ZNF18: variants seen among roughly 807,000 people sequenced by gnomAD.
ZNF18 encodes the protein heart development-specific gene 1 protein.
Under a neutral mutation model 58.1 loss-of-function variants are expected in ZNF18, and 42 were observed. That is an observed-to-expected ratio of 0.72 (90% CI 0.56 to 0.93). The LOEUF (loss-of-function observed/expected upper bound fraction) is 0.93, where lower values mean the gene tolerates loss of function less well. Among genes scored for constraint, ZNF18 ranks in the 40% least tolerant of loss-of-function variants. The probability of loss-of-function intolerance (pLI) is 0.00; values close to 1 mark genes in which losing one functional copy is unlikely to be tolerated. For missense variants in ZNF18, 540 were observed against 644.2 expected, an observed-to-expected ratio of 0.84 and a Z score of 1.75; for synonymous variants, 231 against 239.8, an observed-to-expected ratio of 0.96 and a Z score of 0.34.
At chr17:12,007,461 G>C in the ZNF18 span, among the ~76,000 whole-genome samples, 2 of 152,150 alleles carry the variant, frequency 1.3e-5, no homozygotes, top group African/African-American at 4.8e-5. Flanking sequence ...CCCCTTGTTA[G>C]CTGAATTCTG....
chr17:11,999,006 C>T (rs141084038), upstream of ZNF18, among the ~76,000 whole-genome samples: 30 of 152,088 alleles, frequency 2.0e-4, no homozygotes, highest in South Asian at 2.5e-3. Context: ...TGATTGATGG[C>T]GCTGCTTTGA....
chr17:12,015,873 C>T, the ZNF18 span, among the ~76,000 whole-genome samples: 2 of 152,140 alleles, frequency 1.3e-5, no homozygotes, highest in Admixed American at 6.5e-5. Context: ...ACTGCAACCC[C>T]TGGCTCCCGG....
Position 11,988,298 on chromosome 17 carries a change from A to C in ZNF18, c.666+2164T>G, listed in dbSNP as rs930943335. Among the ~76,000 whole-genome samples the C allele has an allele frequency of 2.0e-4, 31 of 152,346 alleles. 1 individual carries two copies. Among genetic ancestry groups the C allele is most frequent in the African/African-American group, 7.0e-4 (29 of 41,580 alleles). On this transcript the variant is annotated intron_variant, in intron 4 of 6. Transcript: ENST00000580306. ...TCCCTGAAAGTGGGAAAGCAAATTC[A>C]GTGAGCTCTAGTTATCCAAACTTAC...
At position 11,978,701 on chromosome 17, in the gene ZNF18, A is replaced by G; in HGVS notation, c.906T>C (p.Asn302=). The G allele has an allele frequency of 6.2e-7, 1 of 1,604,022 alleles. No homozygotes were observed. The change falls in exon 7 of 7, where the codon AAT becomes AAC. Residue 302 remains asparagine (N), a synonymous_variant. Transcript: ENST00000580306. Reference sequence around the variant, plus strand: ...CATGCAGGAGCTCCTGGTCCCTGTGATTCTCCAAATTTAGGTTCTCCTTGT... The same window carrying G: ...CATGCAGGAGCTCCTGGTCCCTGTGGTTCTCCAAATTTAGGTTCTCCTTGT... ...ENDKENLNLE[N]HRDQELLHAS... is the part of the protein sequence containing the mutation.
At chr17:12,011,893 A>T in the ZNF18 span, among the ~76,000 whole-genome samples, 1 of 141,228 alleles carries the variant, frequency 7.1e-6, no homozygotes, top group African/African-American at 2.7e-5. Context: ...TAGAGATGGG[A>T]TTTCACCACA....
chr17:11,985,530 T>C (rs893658774), intron 4 of ZNF18, among the ~76,000 whole-genome samples: 11 of 152,126 alleles, frequency 7.2e-5, no homozygotes, highest in Middle Eastern at 3.2e-3. Flanking sequence ...TTTTTTTATT[T>C]ATAGTATTTA....
rs183656312 is a variant in ZNF18 at position 11,979,352 on chromosome 17, A to C, written c.863-608T>G. ...GCATTTAATTGTGAATGGTGGCATTAATCAATGTAATATAGAGTCTCCCTC... is the reference window on the plus strand; with the variant it reads ...GCATTTAATTGTGAATGGTGGCATTCATCAATGTAATATAGAGTCTCCCTC... On this transcript the variant is annotated intron_variant, in intron 6 of 6. Transcript: ENST00000580306. 3.3e-4 allele frequency among the ~76,000 whole-genome samples: 51 copies of C among 152,350 alleles called. No homozygotes were observed. The East Asian group carries it at 9.6e-3, about 29-fold the overall frequency.
chr17:11,999,312 T>C (rs1968617898), upstream of ZNF18, among the ~76,000 whole-genome samples: 1 of 152,226 alleles, frequency 6.6e-6, no homozygotes. Context: ...TACAACACTT[T>C]GCACTCAAAT....
At chr17:11,984,896 CTATT>C (rs572268356) in intron 4 of ZNF18, among the ~76,000 whole-genome samples, 258 of 152,126 alleles carry the variant, frequency 1.7e-3, no homozygotes, top group Middle Eastern at 0.014. Flanking sequence ...GATAGTCCCA[CTATT>C]TAATTAAAAT....
chr17:11,995,159 A>C (rs1316617885), intron 1 of ZNF18, among the ~76,000 whole-genome samples: 1 of 152,160 alleles, frequency 6.6e-6, no homozygotes, highest in Non-Finnish European at 1.5e-5. Context: ...CTGTAATCCT[A>C]GCATTCTGGG....
the ZNF18 span, among the ~76,000 whole-genome samples, chr17:12,011,488 C>T: frequency 2.7e-5 from 4 of 150,556 alleles, no homozygotes; most frequent in Non-Finnish European, 4.4e-5. Context: ...CGGGTTCAAG[C>T]GATTCTCTTG....
At chr17:11,985,797 G>T (rs1396162221) in intron 4 of ZNF18, among the ~76,000 whole-genome samples, 1 of 152,210 alleles carries the variant, frequency 6.6e-6, no homozygotes, top group Non-Finnish European at 1.5e-5. Flanking sequence ...ATCACATGCA[G>T]TCTCCCAGTC....
At chr17:12,020,421 A>T in the ZNF18 span, among the ~76,000 whole-genome samples, 1 of 152,114 alleles carries the variant, frequency 6.6e-6, no homozygotes, top group African/African-American at 2.4e-5. Context: ...CCATAGCTCT[A>T]GGTAACTCCC....
At chr17:11,993,886 T>C (rs187139478) in intron 1 of ZNF18, among the ~76,000 whole-genome samples, 1 of 142,440 alleles carries the variant, frequency 7.0e-6, no homozygotes, top group East Asian at 2.2e-4. Context: ...AAAATACTCC[T>C]ATGGTGTTGA....
the ZNF18 span, chr17:12,020,729 T>G: frequency 1.1e-5 from 4 of 375,562 alleles, no homozygotes; most frequent in East Asian, 4.0e-5. Context: ...TGGCCCGGGC[T>G]GCGCGTCGGG....
chr17:11,978,607 G>C lies in ZNF18; in HGVS notation c.1000C>G (p.Pro334Ala). ...TTCTCTCCTTCTCCAAAGCATCCTG[G>C]CTCATCCTCAGTGAAGAAGCCCCTC... The part of the protein sequence containing the change: ...SLRGFFTEDE[P>A]GCFGEGENLP... Residue 334 changes from proline to alanine, a missense_variant, in exon 7 of 7, where the codon CCA (proline) becomes GCA (alanine). Transcript: ENST00000580306. 1 of 1,613,998 alleles carries C rather than the reference G, an allele frequency of 6.2e-7. No homozygotes were observed. Among genetic ancestry groups the C allele is most frequent in the South Asian group, 1.1e-5 (1 of 91,076 alleles).
intron 6 of ZNF18, 115 bp from the exon 7 acceptor site, chr17:11,978,859 T>C: frequency 1.3e-6 from 1 of 754,754 alleles, no homozygotes; most frequent in East Asian, 2.9e-5. Context: ...TTTTTTTTTT[T>C]TTTTTTTAGG....
rs1307234178 is a variant in ZNF18 at position 11,978,110 on chromosome 17, T to C, written c.1497A>G (p.Lys499=). The stretch of plus-strand genomic sequence containing the variant: ...TAAAGTTTGATCTCTGAATGAAACT[T>C]TTCTCACAGATAGGACATTTATAGG... ...EKPYKCPICE[K]SFIQRSNFNR... is the part of the protein sequence containing the mutation. The change falls in exon 7 of 7, where the codon AAA becomes AAG. Residue 499 remains lysine (K), a synonymous_variant. Coordinates refer to ENST00000580306, the MANE Select transcript of ZNF18 (RefSeq NM_001303281.2). The C allele has an allele frequency of 6.2e-7, 1 of 1,614,168 alleles. No individual in the cohort carries two copies. Among genetic ancestry groups the C allele is most frequent in the Admixed American group, 1.7e-5 (1 of 60,028 alleles).
the ZNF18 span, chr17:12,021,202 C>T: frequency 6.0e-6 from 2 of 330,668 alleles, no homozygotes; most frequent in African/African-American, 4.3e-5. Context: ...CCCGCATAGG[C>T]CCCGGCCGCG....
Sources: allele counts gnomAD v4.1 joint callset (sites outside exome capture counted in the v4.1 genomes callset), GRCh38; gene constraint gnomAD v4.1.1; transcripts MANE v1.5; gene names NCBI Gene and HGNC (gene_info 2026-07-23, HGNC 2026-07-21).